Variants in SPEG observed in about 807,000 individuals in gnomAD.
SPEG encodes striated muscle enriched protein kinase, also known as striated muscle preferentially expressed protein kinase.
In SPEG, 114 loss-of-function variants were observed where a neutral mutation model predicts 300.4. The observed-to-expected ratio is 0.38, with a 90% confidence interval of 0.33 to 0.44. The LOEUF (loss-of-function observed/expected upper bound fraction) is 0.44, where lower values mean the gene tolerates loss of function less well. SPEG is among the 20% of genes least tolerant of loss of function. SPEG has a pLI of 1.00. For missense variants in SPEG, 4,201 were observed against 4,586.2 expected, an observed-to-expected ratio of 0.92 and a Z score of 2.43; for synonymous variants, 1,964 against 2,018.9, an observed-to-expected ratio of 0.97 and a Z score of 0.73.
In SPEG at chr2:219,483,793, C is replaced by T. The variant is rs772821285; in HGVS notation, c.6330C>T (p.Ser2110=). ...CCCGGATGGCACGAGCTGCCTCCAGCGAGGCAGCGCCCCACCACCAGCCCC... is the reference window on the plus strand; with the variant it reads ...CCCGGATGGCACGAGCTGCCTCCAGTGAGGCAGCGCCCCACCACCAGCCCC... The part of the protein sequence containing the change: ...RDPRMARAAS[S]EAAPHHQPPL... The change falls in exon 30 of 41, where the codon AGC becomes AGT. Residue 2110 remains serine (S), a synonymous_variant. Coordinates refer to ENST00000312358, the MANE Select transcript of SPEG (RefSeq NM_005876.5). The T allele has an allele frequency of 1.3e-6, 2 of 1,565,398 alleles. No individual in the cohort carries two copies. Among genetic ancestry groups the T allele is most frequent in the African/African-American group, 1.3e-5 (1 of 74,124 alleles).
chr2:219,445,470 C>T lies in SPEG; in HGVS notation c.815+309C>T. The T allele has an allele frequency of 2.2e-6, 1 of 448,572 alleles. No individual in the cohort carries two copies. Among genetic ancestry groups the T allele is most frequent in the Non-Finnish European group, 4.0e-6 (1 of 249,032 alleles). The allele number at this position is 448,572 out of a possible 1,614,324, so 27.8% of individuals were successfully genotyped here. A position where few individuals can be genotyped will look rare whatever the true frequency, so the allele number is the denominator to read the frequency against. On this transcript the variant is annotated intron_variant, in intron 3 of 40. Coordinates refer to ENST00000312358, the MANE Select transcript of SPEG (RefSeq NM_005876.5). This position sits in a 1 kb window ranked among gnomAD's most constrained non-coding sequence, Gnocchi z 6.1. ...CTCAGGGGCCCTCTTTTGCCTCACC[C>T]ATTTGGGCTCCAGTTGTCCCCAGGA...
intron 6 of SPEG, among the ~76,000 whole-genome samples, chr2:219,457,898 A>G (rs1318366373): frequency 2.0e-5 from 3 of 152,244 alleles, no homozygotes; most frequent in South Asian, 4.2e-4. Flanking sequence ...GCAAACTGCA[A>G]TTCCAATACT....
chr2:219,460,928 G>A, intron 6 of SPEG: 1 of 986,238 alleles, frequency 1.0e-6, no homozygotes, highest in Non-Finnish European at 1.2e-6. Flanking sequence ...GCAGGCAGCA[G>A]GAGGGCCTGG....
In SPEG at chr2:219,448,988, T is replaced by C. The variant is rs750377795; in HGVS notation, c.1830T>C (p.Pro610=). Reference sequence around the variant, plus strand: ...GAGCCATCCAGGAGTGCAGGAGCCCTGTGCCGCCCCCCGCCGCCGATCCCC... The same window carrying C: ...GAGCCATCCAGGAGTGCAGGAGCCCCGTGCCGCCCCCCGCCGCCGATCCCC... ...RSRAIQECRS[P]VPPPAADPPE... The change falls in exon 4 of 41, where the codon CCT becomes CCC. Residue 610 remains proline (P), a synonymous_variant. Transcript: ENST00000312358. 10 of 1,493,508 alleles carry C rather than the reference T, an allele frequency of 6.7e-6. No homozygotes were observed. The highest frequency in any genetic ancestry group is 2.4e-5 in the Admixed American group (1 of 42,466). The allele number at this position is 1,493,508 out of a possible 1,614,324, so 92.5% of individuals were successfully genotyped here. A position where few individuals can be genotyped will look rare whatever the true frequency, so the allele number is the denominator to read the frequency against.
chr2:219,435,895 A>AT (rs1340250329), intron 1 of SPEG, among the ~76,000 whole-genome samples: 3 of 152,126 alleles, frequency 2.0e-5, no homozygotes, highest in Non-Finnish European at 4.4e-5. Context: ...GAAGAGGCCT[A>AT]TGGTTGGCCA....
At chr2:219,455,591 G>A (rs1055161616) in intron 6 of SPEG, among the ~76,000 whole-genome samples, 6 of 152,048 alleles carry the variant, frequency 3.9e-5, no homozygotes, top group African/African-American at 9.7e-5. Flanking sequence ...ACCCTGTCTC[G>A]GTCTCTCAAG....
chr2:219,445,261 A>T lies in SPEG; in HGVS notation c.815+100A>T. The T allele has an allele frequency of 3.5e-6, 4 of 1,128,376 alleles. No individual in the cohort carries two copies. The highest frequency in any genetic ancestry group is 5.2e-6 in the Non-Finnish European group (4 of 769,742). 69.9% of individuals were successfully genotyped at this position (1,128,376 alleles called of 1,614,324 possible). A position where few individuals can be genotyped will look rare whatever the true frequency, so the allele number is the denominator to read the frequency against. On this transcript the variant is annotated intron_variant, in intron 3 of 40. Coordinates refer to ENST00000312358, the MANE Select transcript of SPEG (RefSeq NM_005876.5). The surrounding 1 kb of genome is among the most constrained non-coding windows in gnomAD (Gnocchi z 6.1). ...CAGCCTCCACCCATCACCCTGCCCC[A>T]TCCATCTCTCTGTGCATTTCTTCAC...
Position 219,490,598 on chromosome 2 carries a change from C to T in SPEG, c.9111C>T (p.Leu3037=). The change falls in exon 37 of 41, where the codon CTC becomes CTT. Residue 3037 remains leucine (L), a synonymous_variant. Transcript: ENST00000312358. ...ACATCACCCCTCGGTACCTCGTGCTCATTGCTGAGAGCTGTGGCAACCGGG... is the reference window on the plus strand; with the variant it reads ...ACATCACCCCTCGGTACCTCGTGCTTATTGCTGAGAGCTGTGGCAACCGGG... ...EAYITPRYLV[L]IAESCGNREL... is the part of the protein sequence containing the mutation. The T allele has an allele frequency of 1.9e-6, 3 of 1,613,654 alleles. No homozygotes were observed. Among genetic ancestry groups the T allele is most frequent in the Non-Finnish European group, 2.5e-6 (3 of 1,179,598 alleles).
Position 219,445,202 on chromosome 2 carries a change from A to C in SPEG, c.815+41A>C. 15 of 1,521,558 alleles carry C rather than the reference A, an allele frequency of 9.9e-6. No individual in the cohort carries two copies. The highest frequency in any genetic ancestry group is 1.4e-5 in the African/African-American group (1 of 72,500). The allele number at this position is 1,521,558 out of a possible 1,614,324, so 94.3% of individuals were successfully genotyped here. ...ACCTGGGCCTGAACTGCCCCATCTCACCACGCTGTCCTGCGCTGCCCTCAC... is the reference window on the plus strand; with the variant it reads ...ACCTGGGCCTGAACTGCCCCATCTCCCCACGCTGTCCTGCGCTGCCCTCAC... On this transcript the variant is annotated intron_variant, in intron 3 of 40. Coordinates refer to ENST00000312358, the MANE Select transcript of SPEG (RefSeq NM_005876.5). This position sits in a 1 kb window ranked among gnomAD's most constrained non-coding sequence, Gnocchi z 6.1.
At chr2:219,489,258 G>A (rs376751015) in intron 35 of SPEG, 37 bp downstream of exon 35, 20 of 1,613,062 alleles carry the variant, frequency 1.2e-5, no homozygotes, top group Admixed American at 3.3e-5. Flanking sequence ...GAGGAAGGGG[G>A]CTCTGAGCCT....
At chr2:219,467,093 C>G in intron 9 of SPEG, 81 bp from the exon 10 acceptor site, 2 of 1,445,390 alleles carry the variant, frequency 1.4e-6, no homozygotes, top group Non-Finnish European at 1.9e-6. Flanking sequence ...CTGTCTGTCT[C>G]TCTGTGCGTG....
intron 9 of SPEG, chr2:219,465,497 G>C: frequency 6.4e-6 from 1 of 156,928 alleles, no homozygotes; most frequent in Non-Finnish European, 1.4e-5. Flanking sequence ...CCTCCTCCCC[G>C]GCCTGCTTTC....
intron 13 of SPEG, among the ~76,000 whole-genome samples, chr2:219,470,593 T>G (rs1439699459): frequency 1.3e-5 from 2 of 152,190 alleles, no homozygotes; most frequent in Non-Finnish European, 2.9e-5. Context: ...AATGGGTGAC[T>G]GTTCTATGCA....
chr2:219,478,851 A>T (rs1692571690), intron 22 of SPEG, among the ~76,000 whole-genome samples: 1 of 152,180 alleles, frequency 6.6e-6, no homozygotes, highest in Non-Finnish European at 1.5e-5. Context: ...TGGGCAGGAA[A>T]GGAAATGTTA....
At chr2:219,487,662 C>T (rs1693565360) in intron 31 of SPEG, among the ~76,000 whole-genome samples, 1 of 152,196 alleles carries the variant, frequency 6.6e-6, no homozygotes, top group Admixed American at 6.5e-5. Flanking sequence ...AGCCGACACG[C>T]TTCCAGGGTC....
At chr2:219,467,554 G>C in intron 10 of SPEG, 120 bp downstream of exon 10, 1 of 1,218,686 alleles carries the variant, frequency 8.2e-7, no homozygotes, top group Non-Finnish European at 1.1e-6. Flanking sequence ...AAGCGGGGGA[G>C]GGTGGGAGCT....
Position 219,451,272 on chromosome 2 carries a change from GC to G in SPEG, c.2254del (p.Gln752LysfsTer58). 1 of 1,607,428 alleles carries G rather than the reference GC, an allele frequency of 6.2e-7. No homozygotes were observed. The highest frequency in any genetic ancestry group is 1.1e-5 in the South Asian group (1 of 90,064). On this transcript the variant is annotated frameshift_variant, in exon 5 of 41. Transcript: ENST00000312358. LOFTEE classifies it high-confidence loss of function. This position sits in a 1 kb window ranked among gnomAD's most constrained non-coding sequence, Gnocchi z 6.4. ...LKCIITANPPPQVSWHKDGSA... is the reference protein window; with the variant it reads ...LKCIITANPPXQVSWHKDGSA... ...AGTGTATCATCACTGCCAACCCCCCGCCCCAAGGTGAGCTCCAGCACTGGGC... is the reference window on the plus strand; with the variant it reads ...AGTGTATCATCACTGCCAACCCCCCGCCCAAGGTGAGCTCCAGCACTGGGC...
At chr2:219,482,297 C>T (rs917107840) in intron 28 of SPEG, 1 of 171,122 alleles carries the variant, frequency 5.8e-6, no homozygotes, top group Non-Finnish European at 1.3e-5. Context: ...AATTAAGAGC[C>T]TTCTTTCTCA....
intron 9 of SPEG, chr2:219,465,998 C>A: frequency 6.9e-7 from 1 of 1,454,094 alleles, no homozygotes; most frequent in Non-Finnish European, 9.5e-7. Context: ...TGTGCGCGTG[C>A]GTGCGCGTAT....
Sources: allele counts gnomAD v4.1 joint callset (sites outside exome capture counted in the v4.1 genomes callset), GRCh38; gene constraint gnomAD v4.1.1; non-coding constraint Gnocchi (gnomAD v3.1); transcripts MANE v1.5; gene names NCBI Gene and HGNC (gene_info 2026-07-23, HGNC 2026-07-21).